The following ANO10 variants were observed in gnomAD, a reference collection of about 807,000 sequenced individuals.
ANO10 encodes the protein anoctamin 10.
ANO10 carries 77 observed loss-of-function variants against 74.7 expected under a neutral mutation model. The observed-to-expected ratio is 1.03, with a 90% CI of 0.86 to 1.25. ANO10 has a LOEUF of 1.25. Ranked by LOEUF, ANO10 falls within the 50% of genes most tolerant of loss-of-function variation. The pLI is 0.00. For synonymous variants in ANO10, 279 were observed against 284.9 expected (o/e 0.98, Z 0.21); for missense variants, 721 against 778.1 (o/e 0.93, Z 0.87).
At chr3:43,457,040 C>A (rs1329624549) in intron 11 of ANO10, among the ~76,000 whole-genome samples, 1 of 152,110 alleles carries the variant, frequency 6.6e-6, no homozygotes, top group African/African-American at 2.4e-5. Context: ...TGGTATATAA[C>A]AGAAACCAGA....
At chr3:43,472,373 T>TTCTTTAAAAAACCCTTAAAA (rs2075892363) in intron 11 of ANO10, 1 of 82,086 alleles carries the variant, frequency 1.2e-5, no homozygotes, top group Non-Finnish European at 2.9e-5. Context: ...TGTATGTAAA[T>TTCTTTAAAAAACCCTTAAAA]TTTTTAAAAA....
chr3:43,529,315 A>G (rs1421347337), intron 11 of ANO10, among the ~76,000 whole-genome samples: 1 of 152,222 alleles, frequency 6.6e-6, no homozygotes, highest in African/African-American at 2.4e-5. Flanking sequence ...CATGTTATAG[A>G]ACCTAATATG....
chr3:43,679,411 C>T (rs1337937833), intron 1 of ANO10, among the ~76,000 whole-genome samples: 1 of 152,096 alleles, frequency 6.6e-6, no homozygotes, highest in Admixed American at 6.6e-5. Flanking sequence ...CTGCCATTGC[C>T]GAGGCTTGAG....
intron 11 of ANO10, among the ~76,000 whole-genome samples, chr3:43,536,628 A>C (rs1333627349): frequency 6.6e-6 from 1 of 152,162 alleles, no homozygotes; most frequent in Non-Finnish European, 1.5e-5. Context: ...AAGAAAGAAA[A>C]GCTTAAAAGC....
intron 2 of ANO10, among the ~76,000 whole-genome samples, chr3:43,600,995 T>C (rs1159220730): frequency 6.6e-6 from 1 of 152,186 alleles, no homozygotes; most frequent in Non-Finnish European, 1.5e-5. Flanking sequence ...ACAATTACAC[T>C]GGACTATAAC....
At chr3:43,457,962 C>A (rs1287914193) in intron 11 of ANO10, among the ~76,000 whole-genome samples, 3 of 151,984 alleles carry the variant, frequency 2.0e-5, no homozygotes, top group Non-Finnish European at 4.4e-5. Flanking sequence ...TGTTCCTATT[C>A]CTATAGGAGT....
chr3:43,659,134 G>C (rs2083890992), intron 1 of ANO10, among the ~76,000 whole-genome samples: 1 of 152,182 alleles, frequency 6.6e-6, no homozygotes, highest in Non-Finnish European at 1.5e-5. Flanking sequence ...CTCCCAGCGA[G>C]ATGGGATGCA....
intron 7 of ANO10, among the ~76,000 whole-genome samples, chr3:43,572,311 G>A (rs555181184): frequency 6.6e-6 from 1 of 152,300 alleles, no homozygotes; most frequent in East Asian, 1.9e-4. Context: ...CTGCTCCACA[G>A]AGAGATCCCA....
intron 11 of ANO10, among the ~76,000 whole-genome samples, chr3:43,444,105 C>A (rs1316947786): frequency 6.6e-6 from 1 of 152,172 alleles, no homozygotes; most frequent in African/African-American, 2.4e-5. Context: ...ATTGGCTCTT[C>A]TCTCTTAAAA....
chr3:43,613,986 C>T (rs2082960909), intron 1 of ANO10, among the ~76,000 whole-genome samples: 2 of 151,992 alleles, frequency 1.3e-5, no homozygotes, highest in South Asian at 4.1e-4. Flanking sequence ...AGCCACACAG[C>T]GTTCAACTTA....
chr3:43,673,454 C>T (rs747367455), intron 1 of ANO10, among the ~76,000 whole-genome samples: 1 of 152,110 alleles, frequency 6.6e-6, no homozygotes, highest in Non-Finnish European at 1.5e-5. Flanking sequence ...GACCCTGCTA[C>T]AAATGTTCAG....
chr3:43,567,297 G>A (rs2080417967), intron 7 of ANO10, among the ~76,000 whole-genome samples: 1 of 151,298 alleles, frequency 6.6e-6, no homozygotes, highest in South Asian at 2.1e-4. Context: ...AATCTAGCAA[G>A]GCAGGCCAAC....
intron 12 of ANO10, among the ~76,000 whole-genome samples, chr3:43,425,413 A>T (rs1346616158): frequency 6.6e-6 from 1 of 151,964 alleles, no homozygotes; most frequent in Non-Finnish European, 1.5e-5. Flanking sequence ...AAACCTATTA[A>T]ATTAGGTTAA....
chr3:43,609,942 T>C (rs1000035205), intron 1 of ANO10, among the ~76,000 whole-genome samples: 2 of 152,208 alleles, frequency 1.3e-5, no homozygotes, highest in Non-Finnish European at 2.9e-5. Context: ...AAGACATTAT[T>C]GTATACTACT....
At chr3:43,369,882 C>T (rs78756554) in intron 12 of ANO10, among the ~76,000 whole-genome samples, 14,761 of 152,278 alleles carry the variant, frequency 0.097, 965 homozygotes, top group Non-Finnish European at 0.14. Context: ...CAGTGGCTGA[C>T]ATTCACACCT....
intron 6 of ANO10, among the ~76,000 whole-genome samples, chr3:43,576,133 T>C (rs1042593184): frequency 5.9e-5 from 9 of 152,190 alleles, no homozygotes; most frequent in African/African-American, 2.2e-4. Context: ...TCAACAGCAG[T>C]CCTCAGTGCC....
chr3:43,626,299 T>TC (rs1442696906), upstream of ANO10, among the ~76,000 whole-genome samples: 1 of 150,508 alleles, frequency 6.6e-6, no homozygotes, highest in Non-Finnish European at 1.5e-5. Flanking sequence ...TCTTCACTTT[T>TC]TTTTTTTTTT....
intron 10 of ANO10, among the ~76,000 whole-genome samples, chr3:43,553,611 C>T (rs1326454828): frequency 6.6e-6 from 1 of 150,792 alleles, no homozygotes; most frequent in Non-Finnish European, 1.5e-5. Context: ...ATCCAGCTCA[C>T]TTCAACTTCT....
intron 1 of ANO10, among the ~76,000 whole-genome samples, chr3:43,662,140 G>A (rs1348024836): frequency 6.6e-6 from 1 of 152,126 alleles, no homozygotes; most frequent in East Asian, 1.9e-4. Context: ...TTCTAAAAGT[G>A]ACCACATAAT....
Sources: allele counts gnomAD v4.1 joint callset (sites outside exome capture counted in the v4.1 genomes callset), GRCh38; gene constraint gnomAD v4.1.1; transcripts MANE v1.5; gene names NCBI Gene and HGNC (gene_info 2026-07-23, HGNC 2026-07-21).